The following PDSS1 variants were observed in gnomAD, a reference collection of about 807,000 sequenced individuals.
The protein encoded by PDSS1 is all trans-polyprenyl-diphosphate synthase PDSS1.
PDSS1 carries 43 observed loss-of-function variants against 57.5 expected under a neutral mutation model. The ratio of observed to expected loss-of-function variants is 0.75; its 90% CI spans 0.59 to 0.96. PDSS1 has a LOEUF of 0.96. Among genes scored for constraint, PDSS1 ranks in the 50% least tolerant of loss-of-function variants. The pLI, the probability that PDSS1 is intolerant of heterozygous loss-of-function variation, is 0.00. For synonymous variants in PDSS1, 175 were observed against 191.3 expected (o/e 0.91, Z 0.70); for missense variants, 438 against 527.8 (o/e 0.83, Z 1.67).
chr10:26,729,022 C>T (rs867339372), intron 8 of PDSS1, among the ~76,000 whole-genome samples: 1 of 151,976 alleles, frequency 6.6e-6, no homozygotes, highest in African/African-American at 2.4e-5. Flanking sequence ...CTCAAGTGAT[C>T]GCCCACCTCG....
intron 5 of PDSS1, among the ~76,000 whole-genome samples, chr10:26,717,078 C>A (rs1225889992): frequency 1.3e-5 from 2 of 152,044 alleles, no homozygotes; most frequent in Non-Finnish European, 2.9e-5. Flanking sequence ...TAAAGCTGAA[C>A]TGGATAAAAA....
intron 8 of PDSS1, among the ~76,000 whole-genome samples, chr10:26,730,086 GTAT>G (rs975889416): frequency 1.3e-5 from 2 of 151,310 alleles, no homozygotes; most frequent in African/African-American, 4.9e-5. Context: ...CTAATTTTTT[GTAT>G]TTTTAGTAGA....
rs1203931422 is a variant in PDSS1 at position 26,704,083 on chromosome 10, CAA to C, written c.163-576_163-575del. On this transcript the variant is annotated intron_variant, in intron 2 of 11. Coordinates refer to ENST00000376215, the MANE Select transcript of PDSS1 (RefSeq NM_014317.5). ...GACGACAGAACGAGACTCCGTCTCA[CAA>C]AAAAAAAAAAAAAAAAATATGGCTA... Among the ~76,000 whole-genome samples, 26 of 31,072 alleles carry C rather than the reference CAA, an allele frequency of 8.4e-4. 3 individuals are homozygous for C. In the East Asian group the frequency reaches 0.015, roughly 17 times the overall value. The allele number at this position is 31,072 out of a possible 152,430, so 20.4% of individuals were successfully genotyped here. A position where few individuals can be genotyped will look rare whatever the true frequency, so the allele number is the denominator to read the frequency against.
At chr10:26,744,981 T>C (rs1161174786) in intron 11 of PDSS1, among the ~76,000 whole-genome samples, 1 of 151,774 alleles carries the variant, frequency 6.6e-6, no homozygotes, top group Admixed American at 6.6e-5. Flanking sequence ...CTGGCCAACA[T>C]GGTGAAACCC....
intron 1 of PDSS1, among the ~76,000 whole-genome samples, chr10:26,698,373 T>A (rs368235238): frequency 6.6e-6 from 1 of 151,900 alleles, no homozygotes. Flanking sequence ...TGTCCAGCAG[T>A]GGCCTCGGGA....
intron 7 of PDSS1, 29 bp from the exon 8 acceptor site, chr10:26,723,984 CT>C: frequency 6.3e-7 from 1 of 1,594,302 alleles, no homozygotes; most frequent in Admixed American, 1.7e-5. Context: ...ATAAAGCCAC[CT>C]CTCAAATGAC....
chr10:26,737,635 G>A (rs1383818447), intron 10 of PDSS1, among the ~76,000 whole-genome samples: 1 of 145,872 alleles, frequency 6.9e-6, no homozygotes, highest in Non-Finnish European at 1.5e-5. Context: ...GGGAGGCCAA[G>A]GAAGGAGAAT....
intron 10 of PDSS1, among the ~76,000 whole-genome samples, chr10:26,736,534 A>G (rs1280898917): frequency 1.3e-5 from 2 of 152,216 alleles, no homozygotes; most frequent in Non-Finnish European, 2.9e-5. Context: ...ACTGTGATAC[A>G]GAAACCACGG....
chr10:26,723,890 A>T lies in PDSS1; in HGVS notation c.694A>T (p.Thr232Ser), dbSNP rs772401573. ...AAATACAACTGTTATATCTATTTTA[A>T]CCCAAGTTATTGAAGATTTGGTGCG... is the stretch of plus-strand genomic sequence containing the variant. ...IGNTTVISIL[T>S]QVIEDLVRGE... The change falls in exon 7 of 12, where the codon ACC (threonine) becomes TCC (serine). Residue 232 changes from threonine to serine, a missense_variant. Physicochemically the swap from Thr to Ser is moderately conservative, Grantham distance 58. Transcript: ENST00000376215. 2.5e-5 allele frequency: 40 copies of T among 1,612,062 alleles called. No homozygotes were observed. Among genetic ancestry groups the T allele is most frequent in the Non-Finnish European group, 3.3e-5 (39 of 1,178,132 alleles).
chr10:26,728,136 A>C (rs180693344), intron 8 of PDSS1, among the ~76,000 whole-genome samples: 2 of 152,188 alleles, frequency 1.3e-5, no homozygotes, highest in Non-Finnish European at 2.9e-5. Context: ...TGGGCAGATT[A>C]CCTGAGGTCA....
At position 26,697,834 on chromosome 10, in the gene PDSS1, C is replaced by T. The variant is rs1834914800; in HGVS notation, c.123C>T (p.Arg41=). ...GGCCGAGCGCCGCTGCCGAAGTCCG[C>T]GCGCAGGTGAGGTTGGGAGGCGCGC... is the stretch of plus-strand genomic sequence containing the variant. ...PLGPSAAAEV[R]AQVHRRKGLD... The change falls in exon 1 of 12, where the codon CGC becomes CGT. Residue 41 remains arginine, a synonymous_variant. Coordinates refer to ENST00000376215, the MANE Select transcript of PDSS1 (RefSeq NM_014317.5). The T allele has an allele frequency of 1.5e-6, 2 of 1,337,672 alleles. No individual in the cohort carries two copies. The highest frequency in any genetic ancestry group is 9.6e-7 in the Non-Finnish European group (1 of 1,038,102). 82.9% of individuals were successfully genotyped at this position (1,337,672 alleles called of 1,614,324 possible). A position where few individuals can be genotyped will look rare whatever the true frequency, so the allele number is the denominator to read the frequency against.
At chr10:26,709,263 T>C (rs1481034692) in intron 4 of PDSS1, among the ~76,000 whole-genome samples, 1 of 152,182 alleles carries the variant, frequency 6.6e-6, no homozygotes, top group Non-Finnish European at 1.5e-5. Context: ...ACCAAAGTTT[T>C]GTAGAAGAAA....
At chr10:26,729,563 T>A (rs933740900) in intron 8 of PDSS1, among the ~76,000 whole-genome samples, 3 of 152,194 alleles carry the variant, frequency 2.0e-5, no homozygotes, top group Non-Finnish European at 4.4e-5. Context: ...GGTGTATTTA[T>A]TTGCACAATC....
In PDSS1 at chr10:26,697,800, G is replaced by C. The variant is rs17855857; in HGVS notation, c.89G>C (p.Gly30Ala). 19 of 1,344,536 alleles carry C rather than the reference G, an allele frequency of 1.4e-5. No individual in the cohort carries two copies. Among genetic ancestry groups the C allele is most frequent in the Non-Finnish European group, 1.5e-5 (16 of 1,045,858 alleles). 83.3% of individuals were successfully genotyped at this position (1,344,536 alleles called of 1,614,324 possible). The change falls in exon 1 of 12, where the codon GGA becomes GCA. Residue 30 changes from glycine to alanine, a missense_variant. Gly to Ala is a moderately conservative substitution (Grantham distance 60). This residue lies in a region of PDSS1 where 154 missense variants were observed against 137.0 expected (regional missense o/e 1.12). Transcript: ENST00000376215. ...GGGCCCGGCTCCCCCGGCCGTGCGG[G>C]ACCGTTGGGGCCGAGCGCCGCTGCC... Reference protein sequence around the residue: ...SPGPGSPGRAGPLGPSAAAEV... With the variant: ...SPGPGSPGRAAPLGPSAAAEV...
intron 1 of PDSS1, among the ~76,000 whole-genome samples, chr10:26,699,392 T>G (rs1427232977): frequency 3.0e-5 from 4 of 132,422 alleles, no homozygotes; most frequent in Middle Eastern, 4.0e-3. Flanking sequence ...CTTCTTCTTC[T>G]TCTTCTTTTT....
At position 26,697,805 on chromosome 10, in the gene PDSS1, T is replaced by G; in HGVS notation, c.94T>G (p.Leu32Val). Residue 32 changes from leucine (L) to valine (V), a missense_variant, in exon 1 of 12, where the codon TTG becomes GTG. Physicochemically the swap from Leu to Val is conservative, Grantham distance 32. Transcript: ENST00000376215. ...CGGCTCCCCCGGCCGTGCGGGACCG[T>G]TGGGGCCGAGCGCCGCTGCCGAAGT... ...GPGSPGRAGP[L>V]GPSAAAEVRA... The G allele has an allele frequency of 7.4e-7, 1 of 1,343,308 alleles. No homozygotes were observed. Among genetic ancestry groups the G allele is most frequent in the East Asian group, 3.2e-5 (1 of 31,580 alleles). The allele number at this position is 1,343,308 out of a possible 1,614,324, so 83.2% of individuals were successfully genotyped here.
chr10:26,744,911 C>T (rs146525720), intron 11 of PDSS1, among the ~76,000 whole-genome samples: 1,622 of 152,116 alleles, frequency 0.011, 28 homozygotes, highest in African/African-American at 0.037. Context: ...CACCTGTAAT[C>T]GCAGCATTTT....
intron 6 of PDSS1, among the ~76,000 whole-genome samples, chr10:26,722,394 G>A (rs2477301): frequency 0.41 from 62,885 of 152,012 alleles, 13,500 homozygotes; most frequent in Admixed American, 0.51. Flanking sequence ...TAGCCTTTAT[G>A]ACTAATTACT....
At chr10:26,708,580 C>CTT (rs1439294129) in intron 4 of PDSS1, among the ~76,000 whole-genome samples, 1 of 152,170 alleles carries the variant, frequency 6.6e-6, no homozygotes, top group African/African-American at 2.4e-5. Context: ...CCTTGTAATC[C>CTT]GGCAGCCCAT....
Sources: gnomAD v4.1 joint callset for allele counts (sites outside exome capture counted in the v4.1 genomes callset) on GRCh38, gnomAD v4.1.1 for gene constraint, gnomAD v4.1.1 regional missense constraint, MANE v1.5 for transcripts, NCBI Gene and HGNC (gene_info 2026-07-23, HGNC 2026-07-21) for gene names.